Variants in PRR12 observed in about 807,000 individuals in gnomAD.
The protein encoded by PRR12 is proline-rich protein 12.
A neutral mutation model predicts 138.0 loss-of-function variants in PRR12; 12 were observed. The ratio of observed to expected loss-of-function variants is 0.09; its 90% CI spans 0.06 to 0.14. The LOEUF is 0.14. Among genes scored for constraint, PRR12 ranks in the 10% least tolerant of loss-of-function variants. PRR12 has a pLI of 1.00. For synonymous variants in PRR12, 1,567 were observed against 1,291.7 expected, an observed-to-expected ratio of 1.21 and a Z score of -4.57; for missense variants, 2,692 against 2,861.3, an observed-to-expected ratio of 0.94 and a Z score of 1.35.
In PRR12 at chr19:49,597,621, G is replaced by A. The variant is rs2122302516; in HGVS notation, c.3286G>A (p.Ala1096Thr). The A allele has an allele frequency of 6.2e-7, 1 of 1,609,954 alleles. No homozygotes were observed. Among genetic ancestry groups the A allele is most frequent in the Non-Finnish European group, 8.5e-7 (1 of 1,178,880 alleles). Residue 1096 changes from alanine (A) to threonine (T), a missense_variant, in exon 4 of 14, where the codon GCC becomes ACC. By Grantham distance (58) the Ala-to-Thr change is moderately conservative. This residue lies in a region of PRR12 where 840 missense variants were observed against 689.8 expected (regional missense o/e 1.22). Coordinates refer to ENST00000418929, the MANE Select transcript of PRR12 (RefSeq NM_020719.3). The surrounding 1 kb of genome is among the most constrained non-coding windows in gnomAD (Gnocchi z 6.3). The stretch of plus-strand genomic sequence containing the variant: ...CTTCCAGACCCCCAAGAAGCTGTAC[G>A]CCCAGGAGTACGAGTTCGAGGCGGA... ...PPFQTPKKLY[A>T]QEYEFEADED...
At chr19:49,609,027 G>A (rs2080852523) in intron 6 of PRR12, among the ~76,000 whole-genome samples, 1 of 152,100 alleles carries the variant, frequency 6.6e-6, no homozygotes, top group African/African-American at 2.4e-5. Flanking sequence ...AGTTCACTGG[G>A]TGGAGACTGG....
intron 11 of PRR12, chr19:49,621,874 G>A (rs2080925349): frequency 5.8e-6 from 3 of 519,788 alleles, no homozygotes; most frequent in South Asian, 2.3e-5. Flanking sequence ...CTGTTGTTTC[G>A]GAGAACAAGT....
rs377666998 is a variant in PRR12 at position 49,597,632 on chromosome 19, C to T, written c.3297C>T (p.Tyr1099=). 9.3e-6 allele frequency: 15 copies of T among 1,609,702 alleles called. No individual in the cohort carries two copies. In the Admixed American group the frequency reaches 1.2e-4, roughly 13 times the overall value. Residue 1099 remains tyrosine (Y), a synonymous_variant, in exon 4 of 14, where the codon TAC becomes TAT. Transcript: ENST00000418929. This position sits in a 1 kb window ranked among gnomAD's most constrained non-coding sequence, Gnocchi z 6.3. ...QTPKKLYAQE[Y]EFEADEDKAD... ...CCAAGAAGCTGTACGCCCAGGAGTA[C>T]GAGTTCGAGGCGGACGAGGACAAGG...
chr19:49,599,372 G>A lies in PRR12; in HGVS notation c.3779G>A (p.Arg1260Gln), dbSNP rs150132587. 20 of 1,612,974 alleles carry A rather than the reference G, an allele frequency of 1.2e-5. No homozygotes were observed. Among genetic ancestry groups the A allele is most frequent in the South Asian group, 8.8e-5 (8 of 90,952 alleles). ...AACAGCCTGGACTCGAGCCTGACTC[G>A]GGAGAAGATCGAGGCCAAGATTAAG... Reference protein sequence around the residue: ...DHNSLDSSLTREKIEAKIKEV... With the variant: ...DHNSLDSSLTQEKIEAKIKEV... Residue 1260 changes from arginine (R) to glutamine (Q), a missense_variant, in exon 5 of 14, where the codon CGG becomes CAG. Transcript: ENST00000418929. The surrounding 1 kb of genome is among the most constrained non-coding windows in gnomAD (Gnocchi z 5.0).
Position 49,616,306 on chromosome 19 carries a change from G to A in PRR12, c.5497+87G>A. On this transcript the variant is annotated intron_variant, in intron 9 of 13. Coordinates refer to ENST00000418929, the MANE Select transcript of PRR12 (RefSeq NM_020719.3). The surrounding 1 kb of genome is among the most constrained non-coding windows in gnomAD (Gnocchi z 4.2). ...TGTCCAGAGGGCTCCAGGTAGCCTT[G>A]GCAGGACAGTAAGAACCAGTATGTT... 5 of 1,216,348 alleles carry A rather than the reference G, an allele frequency of 4.1e-6. No individual in the cohort carries two copies. The highest frequency in any genetic ancestry group is 5.6e-6 in the Non-Finnish European group (5 of 891,916). 75.3% of individuals were successfully genotyped at this position (1,216,348 alleles called of 1,614,324 possible).
At position 49,599,487 on chromosome 19, in the gene PRR12, C is replaced by A; in HGVS notation, c.3894C>A (p.Leu1298=). The A allele has an allele frequency of 1.2e-6, 2 of 1,601,368 alleles. No homozygotes were observed. The highest frequency in any genetic ancestry group is 1.1e-5 in the South Asian group (1 of 89,404). Residue 1298 remains leucine, a synonymous_variant, in exon 5 of 14, where the codon CTC becomes CTA. Coordinates refer to ENST00000418929, the MANE Select transcript of PRR12 (RefSeq NM_020719.3). This position sits in a 1 kb window ranked among gnomAD's most constrained non-coding sequence, Gnocchi z 5.0. ...FLKSGKRHPP[L]YQAGLTPPLS... is the part of the protein sequence containing the mutation. The stretch of plus-strand genomic sequence containing the variant: ...AGTCAGGCAAGCGCCACCCACCACT[C>A]TACCAGGCGGGCCTGACGCCTCCGC...
intron 2 of PRR12, among the ~76,000 whole-genome samples, chr19:49,593,739 C>A (rs1166516845): frequency 6.6e-6 from 1 of 152,176 alleles, no homozygotes; most frequent in African/African-American, 2.4e-5. Flanking sequence ...CACCCCAATT[C>A]TTTCCCTCTG....
In PRR12 at chr19:49,620,321, A is replaced by C. The variant is rs1489768981; in HGVS notation, c.5498-31A>C. The C allele has an allele frequency of 1.9e-6, 3 of 1,611,588 alleles. No individual in the cohort carries two copies. In the East Asian group the frequency reaches 6.7e-5, roughly 36 times the overall value. ...ACAGGTGGTCTCAGAGGAAATTGGG[A>C]TAACGAGCCTGCGTCCTGTCTTTTC... On this transcript the variant is annotated intron_variant, in intron 9 of 13. Transcript: ENST00000418929.
In PRR12 at chr19:49,621,421, T is replaced by G. The variant is rs896568750; in HGVS notation, c.5624-104T>G. ...GGGGGCTGGGGCCTGTACTTTTGTC[T>G]CTGAGTGGGAAGGGGATTTGGGGAC... is the stretch of plus-strand genomic sequence containing the variant. On this transcript the variant is annotated intron_variant, in intron 10 of 13. Transcript: ENST00000418929. The G allele has an allele frequency of 5.6e-6, 5 of 897,980 alleles. No individual in the cohort carries two copies. In the African/African-American group the frequency reaches 6.6e-5, roughly 12 times the overall value. The allele number at this position is 897,980 out of a possible 1,614,324, so 55.6% of individuals were successfully genotyped here.
At chr19:49,592,978 G>C (rs1296936379) in intron 1 of PRR12, among the ~76,000 whole-genome samples, 1 of 152,060 alleles carries the variant, frequency 6.6e-6, no homozygotes, top group Admixed American at 6.6e-5. Context: ...GGGCTGGGGG[G>C]GGTTTGTGGG....
chr19:49,622,303 G>A (rs1362177194), intron 11 of PRR12, among the ~76,000 whole-genome samples: 3 of 152,086 alleles, frequency 2.0e-5, no homozygotes, highest in Admixed American at 6.6e-5. Flanking sequence ...CAGGAAGGCC[G>A]GGCACAGTGG....
intron 6 of PRR12, among the ~76,000 whole-genome samples, chr19:49,604,551 G>A (rs901371200): frequency 6.6e-6 from 1 of 151,830 alleles, no homozygotes; most frequent in African/African-American, 2.4e-5. Context: ...GGTGGCAGGC[G>A]CCTGTAGTCC....
intron 6 of PRR12, among the ~76,000 whole-genome samples, chr19:49,603,935 C>T (rs2080825349): frequency 6.6e-6 from 1 of 151,978 alleles, no homozygotes; most frequent in Admixed American, 6.6e-5. Flanking sequence ...ATTCTCCTGC[C>T]TCAGCCTCCT....
intron 6 of PRR12, 126 bp downstream of exon 6, chr19:49,602,044 T>A: frequency 8.2e-7 from 1 of 1,220,038 alleles, no homozygotes; most frequent in Non-Finnish European, 1.1e-6. Flanking sequence ...GCCCTGGAAT[T>A]TGCAGTCCTA....
chr19:49,624,769 A>T (rs773738284), intron 11 of PRR12, 75 bp from the exon 12 acceptor site: 64 of 1,559,560 alleles, frequency 4.1e-5, no homozygotes, highest in Non-Finnish European at 5.3e-5. Flanking sequence ...TGAGGCACAG[A>T]TCTGAGACCT....
In PRR12 at chr19:49,596,921, G is replaced by C; in HGVS notation, c.2586G>C (p.Ala862=). 2 of 1,517,878 alleles carry C rather than the reference G, an allele frequency of 1.3e-6. No individual in the cohort carries two copies. The highest frequency in any genetic ancestry group is 1.8e-6 in the Non-Finnish European group (2 of 1,134,788). The allele number at this position is 1,517,878 out of a possible 1,614,324, so 94.0% of individuals were successfully genotyped here. The change falls in exon 4 of 14, where the codon GCG becomes GCC. Residue 862 remains alanine, a synonymous_variant. Transcript: ENST00000418929. The surrounding 1 kb of genome is among the most constrained non-coding windows in gnomAD (Gnocchi z 5.6). ...AHLRSHGLEP[A]APSPRLRPEE... ...TCCGCAGCCATGGCCTGGAGCCCGC[G>C]GCCCCCAGCCCCCGCCTGCGACCCG...
intron 6 of PRR12, among the ~76,000 whole-genome samples, chr19:49,608,744 G>T (rs980520368): frequency 6.6e-6 from 1 of 151,962 alleles, no homozygotes; most frequent in Non-Finnish European, 1.5e-5. Flanking sequence ...AGAGGCTGAC[G>T]TGGGAGAATC....
In PRR12 at chr19:49,614,527, C is replaced by T; in HGVS notation, c.4774-6C>T. On this transcript the variant is annotated splice_polypyrimidine_tract_variant and splice_region_variant and intron_variant, in intron 6 of 13. Transcript: ENST00000418929. This position sits in a 1 kb window ranked among gnomAD's most constrained non-coding sequence, Gnocchi z 5.0. Reference sequence around the variant, plus strand: ...CTGCTGGCCTCACCACACCCCTCCTCCTCAGCTGGCGTTGCAGACGGGGCG... The same window carrying T: ...CTGCTGGCCTCACCACACCCCTCCTTCTCAGCTGGCGTTGCAGACGGGGCG... The T allele has an allele frequency of 1.9e-6, 3 of 1,539,460 alleles. No homozygotes were observed. Among genetic ancestry groups the T allele is most frequent in the East Asian group, 2.4e-5 (1 of 40,896 alleles).
In PRR12 at chr19:49,599,094, T is replaced by C. The variant is rs888264377; in HGVS notation, c.3679-178T>C. Among the ~76,000 whole-genome samples the C allele has an allele frequency of 8.5e-5, 13 of 152,204 alleles. No individual in the cohort carries two copies. Among genetic ancestry groups the C allele is most frequent in the Admixed American group, 6.5e-4 (10 of 15,278 alleles). On this transcript the variant is annotated intron_variant, in intron 4 of 13. Coordinates refer to ENST00000418929, the MANE Select transcript of PRR12 (RefSeq NM_020719.3). The surrounding 1 kb of genome is among the most constrained non-coding windows in gnomAD (Gnocchi z 5.0). ...GCTCAGTGAGTCCAAGTTCCTGGTC[T>C]TCTGAGGGAGGAACTCCAGTCTTGT... is the stretch of plus-strand genomic sequence containing the variant.
Sources: gnomAD v4.1 joint callset for allele counts (sites outside exome capture counted in the v4.1 genomes callset) on GRCh38, gnomAD v4.1.1 for gene constraint, gnomAD v4.1.1 regional missense constraint, Gnocchi (gnomAD v3.1) non-coding constraint, MANE v1.5 for transcripts, NCBI Gene and HGNC (gene_info 2026-07-23, HGNC 2026-07-21) for gene names.